DLG2: variants seen among roughly 807,000 people sequenced by gnomAD.
The protein encoded by DLG2 is disks large homolog 2.
DLG2 carries 45 observed loss-of-function variants against 132.5 expected under a neutral mutation model. The observed-to-expected ratio is 0.34, with a 90% CI of 0.27 to 0.44. The LOEUF (loss-of-function observed/expected upper bound fraction) is 0.44, where lower values mean the gene tolerates loss of function less well. Among genes scored for constraint, DLG2 ranks in the 20% least tolerant of loss-of-function variants. The pLI is 1.00. For missense variants in DLG2, 1,045 were observed against 1,196.9 expected (o/e 0.87, Z 1.87); for synonymous variants, 424 against 419.6 (o/e 1.01, Z -0.13).
At chr11:84,359,470 T>G (rs1051556235) in intron 7 of DLG2, among the ~76,000 whole-genome samples, 2 of 151,934 alleles carry the variant, frequency 1.3e-5, no homozygotes, top group South Asian at 2.1e-4. Flanking sequence ...CCCGAAATAT[T>G]TGCTGTTATT....
At chr11:83,709,877 C>G (rs2084980661) in intron 18 of DLG2, among the ~76,000 whole-genome samples, 1 of 152,164 alleles carries the variant, frequency 6.6e-6, no homozygotes, top group African/African-American at 2.4e-5. Context: ...ATTGAAAGGG[C>G]AGATACAGCC....
intron 6 of DLG2, among the ~76,000 whole-genome samples, chr11:85,031,150 T>C (rs1416201240): frequency 6.6e-6 from 1 of 152,010 alleles, no homozygotes; most frequent in East Asian, 1.9e-4. Flanking sequence ...TTTTTGTTTC[T>C]TTGGGGCTCT....
intron 6 of DLG2, among the ~76,000 whole-genome samples, chr11:85,057,050 G>A (rs771011614): frequency 4.6e-5 from 7 of 151,796 alleles, no homozygotes; most frequent in Admixed American, 6.6e-5. Context: ...AAGTCTAAGT[G>A]AATATTGGCT....
intron 4 of DLG2, among the ~76,000 whole-genome samples, chr11:85,254,061 CAG>C (rs2076540398): frequency 6.6e-6 from 1 of 152,190 alleles, no homozygotes; most frequent in Non-Finnish European, 1.5e-5. Flanking sequence ...GGCAGGAAAA[CAG>C]GGATGTAAAT....
intron 16 of DLG2, among the ~76,000 whole-genome samples, chr11:83,847,237 G>A (rs1404613004): frequency 2.0e-5 from 3 of 152,094 alleles, no homozygotes; most frequent in African/African-American, 7.2e-5. Flanking sequence ...TCTCATGACT[G>A]GTGAAATAAT....
At chr11:84,478,029 C>T (rs1369424720) in intron 7 of DLG2, among the ~76,000 whole-genome samples, 2 of 152,126 alleles carry the variant, frequency 1.3e-5, no homozygotes, top group African/African-American at 4.8e-5. Context: ...GGTCAAGAAA[C>T]TCCAAAGTCA....
chr11:84,803,730 T>G (rs1259514661), intron 6 of DLG2, among the ~76,000 whole-genome samples: 1 of 152,236 alleles, frequency 6.6e-6, no homozygotes, highest in African/African-American at 2.4e-5. Context: ...AATGACTATG[T>G]TGCACAGGTC....
At chr11:85,243,551 G>A (rs959951986) in intron 4 of DLG2, among the ~76,000 whole-genome samples, 1 of 151,930 alleles carries the variant, frequency 6.6e-6, no homozygotes, top group Non-Finnish European at 1.5e-5. Context: ...GTTACCTTGG[G>A]AAAGTCACTT....
chr11:83,656,265 G>C (rs1225499927), intron 18 of DLG2, among the ~76,000 whole-genome samples: 1 of 152,180 alleles, frequency 6.6e-6, no homozygotes, highest in Non-Finnish European at 1.5e-5. Flanking sequence ...CTGCTTAAAT[G>C]AAAGTGACTA....
intron 7 of DLG2, among the ~76,000 whole-genome samples, chr11:84,432,710 C>G (rs1254191566): frequency 6.6e-6 from 1 of 152,066 alleles, no homozygotes; most frequent in Admixed American, 6.6e-5. Context: ...GAGAGTAGAA[C>G]TAGTGTGCTG....
chr11:84,193,178 A>T (rs2096448471), intron 8 of DLG2, among the ~76,000 whole-genome samples: 1 of 152,176 alleles, frequency 6.6e-6, no homozygotes, highest in Non-Finnish European at 1.5e-5. Context: ...GTTGAATAAT[A>T]ATAAATGAGG....
intron 18 of DLG2, chr11:83,652,096 C>T: frequency 6.8e-6 from 2 of 292,952 alleles, no homozygotes; most frequent in South Asian, 3.1e-5. Context: ...CATCGTTTGC[C>T]CCCAAATGCT....
intron 4 of DLG2, among the ~76,000 whole-genome samples, chr11:85,162,424 G>A (rs1297487056): frequency 6.6e-6 from 1 of 152,188 alleles, no homozygotes; most frequent in Non-Finnish European, 1.5e-5. Flanking sequence ...ACCTGCTGAG[G>A]TGCTTGCTGA....
In DLG2 at chr11:85,606,040, T is replaced by A. The variant is rs1212245786; in HGVS notation, c.-92-7252A>T. On this transcript the variant is annotated intron_variant, in intron 2 of 27. Coordinates refer to ENST00000376104, the MANE Select transcript of DLG2 (RefSeq NM_001142699.3). ...GTACCATGGGAGTAGAGAATTAAGT[T>A]GATGGCATACGTACAATGTTAACAA... Among the ~76,000 whole-genome samples, 3 of 152,274 alleles carry A rather than the reference T, an allele frequency of 2.0e-5. No individual in the cohort carries two copies. The South Asian group carries it at 6.2e-4, about 32-fold the overall frequency.
chr11:83,937,507 CAAAAAAAAA>C (rs11313794), intron 14 of DLG2, among the ~76,000 whole-genome samples: 1 of 73,810 alleles, frequency 1.4e-5, no homozygotes, highest in African/African-American at 4.6e-5. Flanking sequence ...GACTCCATCT[CAAAAAAAAA>C]AAAAAAAAAA....
intron 3 of DLG2, among the ~76,000 whole-genome samples, chr11:85,370,131 C>G (rs550180701): frequency 6.6e-6 from 1 of 152,138 alleles, no homozygotes; most frequent in Non-Finnish European, 1.5e-5. Context: ...ACGGAACTAA[C>G]CATGCCCTTA....
intron 6 of DLG2, among the ~76,000 whole-genome samples, chr11:85,054,449 G>A (rs192789217): frequency 9.8e-5 from 15 of 152,290 alleles, no homozygotes; most frequent in African/African-American, 3.6e-4. Context: ...AGCCACTGTG[G>A]AAAGCAGTGT....
chr11:85,165,975 T>C (rs1423530497), intron 4 of DLG2, among the ~76,000 whole-genome samples: 1 of 152,104 alleles, frequency 6.6e-6, no homozygotes, highest in Non-Finnish European at 1.5e-5. Context: ...CTGAACCACA[T>C]CTTTACTGCC....
chr11:83,991,865 G>T (rs892931874), intron 11 of DLG2, among the ~76,000 whole-genome samples: 1 of 152,138 alleles, frequency 6.6e-6, no homozygotes, highest in Admixed American at 6.6e-5. Flanking sequence ...TATTTGGAAA[G>T]AAGTTCTTTG....
Sources: gnomAD v4.1 joint callset for allele counts (sites outside exome capture counted in the v4.1 genomes callset) on GRCh38, gnomAD v4.1.1 for gene constraint, MANE v1.5 for transcripts, NCBI Gene and HGNC (gene_info 2026-07-23, HGNC 2026-07-21) for gene names.